NR3C1: variants seen among roughly 807,000 people sequenced by gnomAD.
The protein encoded by NR3C1 is nuclear receptor subfamily 3 group C member 1, also known as glucocorticoid receptor.
In NR3C1, 14 loss-of-function variants were observed where a neutral mutation model predicts 74.0. The observed-to-expected ratio is 0.19, with a 90% confidence interval of 0.12 to 0.30. The LOEUF is 0.30. Ranked by LOEUF, NR3C1 falls within the 10% of genes least tolerant of loss-of-function variation. The probability of loss-of-function intolerance (pLI) is 1.00; values close to 1 mark genes in which losing one functional copy is unlikely to be tolerated. For synonymous variants in NR3C1, 308 were observed against 332.5 expected (o/e 0.93, Z 0.80); for missense variants, 695 against 909.8 (o/e 0.76, Z 3.04).
intron 2 of NR3C1, among the ~76,000 whole-genome samples, chr5:143,376,346 A>C (rs902611141): frequency 6.6e-6 from 1 of 152,186 alleles, no homozygotes; most frequent in African/African-American, 2.4e-5. Flanking sequence ...ACAGACACCT[A>C]AGCAGGGCTA....
chr5:143,403,683 C>G lies in NR3C1; in HGVS notation c.-486G>C. ...GGACCGAGCGGGGAGCGGGTGGAGG[C>G]GGCGCCACGGCGCGCACACACTCGC... On this transcript the variant is annotated 5_prime_UTR_variant, in exon 1 of 9. Transcript: ENST00000394464. 1 of 985,464 alleles carries G rather than the reference C, an allele frequency of 1.0e-6. No individual in the cohort carries two copies. The highest frequency in any genetic ancestry group is 1.2e-6 in the Non-Finnish European group (1 of 830,020). 61.0% of individuals were successfully genotyped at this position (985,464 alleles called of 1,614,324 possible).
At chr5:143,388,920 T>G (rs140246219) in intron 2 of NR3C1, among the ~76,000 whole-genome samples, 17 of 152,350 alleles carry the variant, frequency 1.1e-4, no homozygotes, top group Admixed American at 1.0e-3. Context: ...TTTCATCCAT[T>G]AGTTGCTGAA....
intron 2 of NR3C1, among the ~76,000 whole-genome samples, chr5:143,344,746 G>A (rs549260813): frequency 9.9e-5 from 15 of 152,090 alleles, no homozygotes; most frequent in Admixed American, 2.0e-4. Flanking sequence ...GGTGGCGGGC[G>A]CCTGTAATCC....
rs148440522 is a variant in NR3C1 at position 143,393,791 on chromosome 5, T to G, written c.1184+5865A>C. On this transcript the variant is annotated intron_variant, in intron 2 of 8. Coordinates refer to ENST00000394464, the MANE Select transcript of NR3C1 (RefSeq NM_000176.3). ...ATCATTTCATAATAGCTTTCAAAAT[T>G]TGGCTATCAAATATACTTTCATAAT... is the stretch of plus-strand genomic sequence containing the variant. Among the ~76,000 whole-genome samples the G allele has an allele frequency of 1.1e-3, 161 of 152,184 alleles. 3 individuals are homozygous for G. The East Asian group carries it at 0.022, about 21-fold the overall frequency.
intron 7 of NR3C1, among the ~76,000 whole-genome samples, chr5:143,285,989 C>G (rs1405263028): frequency 7.9e-6 from 1 of 127,024 alleles, no homozygotes; most frequent in Non-Finnish European, 1.7e-5. Context: ...AAAAAAAAAG[C>G]AAGAATATAT....
chr5:143,434,978 A>G (rs1752042718), exon 1 of NR3C1: 1 of 985,168 alleles, frequency 1.0e-6, no homozygotes, highest in African/African-American at 1.7e-5. Flanking sequence ...TTTGGAGAGA[A>G]ATACAGTGAC....
intron 4 of NR3C1, among the ~76,000 whole-genome samples, chr5:143,309,509 A>G (rs1183498394): frequency 6.6e-6 from 1 of 152,230 alleles, no homozygotes; most frequent in Non-Finnish European, 1.5e-5. Flanking sequence ...ATCTTCACAT[A>G]AAAACTAGAC....
At chr5:143,310,509 A>G (rs1288125217) in intron 3 of NR3C1, among the ~76,000 whole-genome samples, 2 of 152,162 alleles carry the variant, frequency 1.3e-5, no homozygotes, top group African/African-American at 4.8e-5. Flanking sequence ...TTACAAACCA[A>G]GAACCTTTAT....
intron 2 of NR3C1, among the ~76,000 whole-genome samples, chr5:143,382,955 G>C (rs1242956341): frequency 6.6e-6 from 1 of 152,170 alleles, no homozygotes; most frequent in African/African-American, 2.4e-5. Context: ...CAGTCATCCT[G>C]GTCAGTTCAC....
chr5:143,386,371 T>C (rs1403623853), intron 2 of NR3C1, among the ~76,000 whole-genome samples: 1 of 152,234 alleles, frequency 6.6e-6, no homozygotes, highest in Non-Finnish European at 1.5e-5. Flanking sequence ...AGAAACTTGC[T>C]TGTAGTGGCA....
In NR3C1 at chr5:143,400,713, C is replaced by G. The variant is rs1389278063; in HGVS notation, c.127G>C (p.Ala43Pro). Reference sequence around the variant, plus strand: ...GCGACAGCCAGTGAGGGTGAAGACGCAGAAACCTTCACAGTAGCTCCTCCT... The same window carrying G: ...GCGACAGCCAGTGAGGGTGAAGACGGAGAAACCTTCACAGTAGCTCCTCCT... ...LRGGATVKVS[A>P]SSPSLAVASQ... is the part of the protein sequence containing the mutation. The change falls in exon 2 of 9, where the codon GCG (alanine) becomes CCG (proline). Residue 43 changes from alanine to proline, a missense_variant. This residue lies in a region of NR3C1 where 497 missense variants were observed against 489.5 expected (regional missense o/e 1.02). Coordinates refer to ENST00000394464, the MANE Select transcript of NR3C1 (RefSeq NM_000176.3). 1 of 1,614,190 alleles carries G rather than the reference C, an allele frequency of 6.2e-7. No homozygotes were observed. Among genetic ancestry groups the G allele is most frequent in the Admixed American group, 1.7e-5 (1 of 60,024 alleles).
upstream of NR3C1, chr5:143,403,852 C>T: frequency 4.1e-6 from 4 of 973,412 alleles, no homozygotes; most frequent in Non-Finnish European, 4.9e-6. Flanking sequence ...CGCGCGGGCC[C>T]CGCCACCCCG....
intron 2 of NR3C1, among the ~76,000 whole-genome samples, chr5:143,387,618 A>T (rs1279889753): frequency 9.9e-5 from 15 of 151,616 alleles, no homozygotes; most frequent in Admixed American, 9.8e-4. Flanking sequence ...TTCTTAAATG[A>T]CCTCATCTGA....
upstream of NR3C1, chr5:143,405,222 G>A: frequency 1.0e-6 from 1 of 985,708 alleles, no homozygotes; most frequent in Non-Finnish European, 1.2e-6. Flanking sequence ...GTTTGGGGAG[G>A]TAACTTTTGC....
chr5:143,358,443 A>C (rs1176143027), intron 2 of NR3C1, among the ~76,000 whole-genome samples: 1 of 152,200 alleles, frequency 6.6e-6, no homozygotes, highest in Non-Finnish European at 1.5e-5. Flanking sequence ...TAACCATCTA[A>C]TATCTGGTAC....
intron 7 of NR3C1, 31 bp from the exon 8 acceptor site, chr5:143,282,756 ATTTTCTTTTTC>A (rs1813387473): frequency 1.3e-6 from 2 of 1,564,136 alleles, no homozygotes; most frequent in South Asian, 2.3e-5. Flanking sequence ...CAGTTAAAGG[ATTTTCTTTTTC>A]TTTTCTTTTC....
At chr5:143,422,857 A>G (rs987976177) in intron 1 of NR3C1, among the ~76,000 whole-genome samples, 17 of 152,324 alleles carry the variant, frequency 1.1e-4, no homozygotes, top group African/African-American at 4.1e-4. Flanking sequence ...GATGCCCCTT[A>G]AAACAGTGCC....
rs1328578642 is a variant in NR3C1 at position 143,281,861 on chromosome 5, T to C, written c.*28A>G. 6 of 1,607,772 alleles carry C rather than the reference T, an allele frequency of 3.7e-6. No homozygotes were observed. Among genetic ancestry groups the C allele is most frequent in the African/African-American group, 1.3e-5 (1 of 74,770 alleles). On this transcript the variant is annotated 3_prime_UTR_variant, in exon 9 of 9. Coordinates refer to ENST00000394464, the MANE Select transcript of NR3C1 (RefSeq NM_000176.3). ...AATAAAAGCTATTAATTCGACTTTC[T>C]TTAAGGCAACCATTCTTATTAAGGC...
intron 1 of NR3C1, among the ~76,000 whole-genome samples, chr5:143,412,078 GAGT>G (rs1239463380): frequency 1.3e-5 from 2 of 152,242 alleles, no homozygotes; most frequent in South Asian, 4.1e-4. Flanking sequence ...TTCTGGTGAA[GAGT>G]AAGCAGGCTT....
Sources: gnomAD v4.1 joint callset for allele counts (sites outside exome capture counted in the v4.1 genomes callset) on GRCh38, gnomAD v4.1.1 for gene constraint, gnomAD v4.1.1 regional missense constraint, MANE v1.5 for transcripts, NCBI Gene and HGNC (gene_info 2026-07-23, HGNC 2026-07-21) for gene names.